GPR158: variants seen among roughly 807,000 people sequenced by gnomAD.
GPR158 encodes the protein metabotropic glycine receptor.
Under a neutral mutation model 78.2 loss-of-function variants are expected in GPR158, and 30 were observed. That is an observed-to-expected ratio of 0.38 (90% CI 0.29 to 0.52). The LOEUF (loss-of-function observed/expected upper bound fraction) is 0.52, where lower values mean the gene tolerates loss of function less well. Ranked by LOEUF, GPR158 falls within the 20% of genes least tolerant of loss-of-function variation. The probability of loss-of-function intolerance (pLI) is 0.83; values close to 1 mark genes in which losing one functional copy is unlikely to be tolerated. For synonymous variants in GPR158, 581 were observed against 591.1 expected (o/e 0.98, Z 0.25); for missense variants, 1,463 against 1,523.5 (o/e 0.96, Z 0.66).
intron 1 of GPR158, among the ~76,000 whole-genome samples, chr10:25,195,084 T>TAAA (rs1230544831): frequency 1.3e-5 from 2 of 152,148 alleles, no homozygotes; most frequent in Non-Finnish European, 2.9e-5. Context: ...ATGCTACGTT[T>TAAA]TATTTGTGCA....
At chr10:25,351,630 A>G (rs1855473055) in intron 2 of GPR158, among the ~76,000 whole-genome samples, 1 of 150,348 alleles carries the variant, frequency 6.7e-6, no homozygotes, top group Admixed American at 6.6e-5. Context: ...TTCATTTTTC[A>G]TTTGAATCAG....
Position 25,599,067 on chromosome 10 carries a change from T to C in GPR158, c.3441T>C (p.Ser1147=), listed in dbSNP as rs750939753. The change falls in exon 11 of 11, where the codon TCT becomes TCC. Residue 1147 remains serine, a synonymous_variant. Coordinates refer to ENST00000376351, the MANE Select transcript of GPR158 (RefSeq NM_020752.3). The part of the protein sequence containing the change: ...IGHQEKKTSS[S]EENVRGSYNS... ...ACCAGGAAAAAAAGACATCTTCTTC[T>C]GAGGAGAATGTGCGTGGCTCCTATA... is the stretch of plus-strand genomic sequence containing the variant. 1.1e-5 allele frequency: 18 copies of C among 1,613,708 alleles called. No individual in the cohort carries two copies. Among genetic ancestry groups the C allele is most frequent in the African/African-American group, 2.7e-5 (2 of 74,922 alleles).
At chr10:25,212,627 C>CTTTTTTTTTTTTTTTTT (rs10642944) in intron 1 of GPR158, among the ~76,000 whole-genome samples, 4 of 78,570 alleles carry the variant, frequency 5.1e-5, no homozygotes, top group Non-Finnish European at 6.8e-5. Flanking sequence ...GAATTTATAG[C>CTTTTTTTTTTTTTTTTT]TTTTTTTTTT....
chr10:25,309,255 G>A (rs1318089876), intron 2 of GPR158, among the ~76,000 whole-genome samples: 2 of 151,888 alleles, frequency 1.3e-5, no homozygotes, highest in Non-Finnish European at 2.9e-5. Context: ...TATCCTAATG[G>A]TGTAAGGTGG....
intron 8 of GPR158, among the ~76,000 whole-genome samples, chr10:25,590,223 C>T (rs935242064): frequency 6.6e-6 from 1 of 152,056 alleles, no homozygotes. Flanking sequence ...ACAGCCTACA[C>T]TTTTAAAACT....
chr10:25,257,508 C>T (rs1019551649), intron 2 of GPR158, among the ~76,000 whole-genome samples: 1 of 152,180 alleles, frequency 6.6e-6, no homozygotes, highest in Non-Finnish European at 1.5e-5. Flanking sequence ...TAATTCTGCT[C>T]TATTTTCTAC....
chr10:25,489,617 CCTT>C (rs1234428401), intron 5 of GPR158, among the ~76,000 whole-genome samples: 1 of 152,074 alleles, frequency 6.6e-6, no homozygotes. Context: ...CTGTACTCTC[CCTT>C]CTTCAGGTAT....
intron 2 of GPR158, among the ~76,000 whole-genome samples, chr10:25,365,073 T>TC (rs1267748862): frequency 4.4e-5 from 5 of 112,556 alleles, no homozygotes; most frequent in African/African-American, 1.7e-4. Context: ...TTATTTAAAA[T>TC]TTTTTCCTAT....
chr10:25,176,103 G>T lies in GPR158; in HGVS notation c.683G>T (p.Arg228Leu). Residue 228 changes from arginine (R) to leucine (L), a missense_variant, in exon 1 of 11, where the codon CGC becomes CTC. Transcript: ENST00000376351. The surrounding 1 kb of genome is among the most constrained non-coding windows in gnomAD (Gnocchi z 6.3). The stretch of plus-strand genomic sequence containing the variant: ...ACCGAGTGGTTCCACGGCCTCCGGC[G>T]CAAGTGGAGGCCCCACTTACACCGC... ...LETEWFHGLR[R>L]KWRPHLHRRG... 6.3e-7 allele frequency: 1 copy of T among 1,581,714 alleles called. No individual in the cohort carries two copies. The highest frequency in any genetic ancestry group is 8.6e-7 in the Non-Finnish European group (1 of 1,164,958).
intron 2 of GPR158, among the ~76,000 whole-genome samples, chr10:25,360,741 G>T (rs1217307530): frequency 6.6e-6 from 1 of 151,970 alleles, no homozygotes; most frequent in Non-Finnish European, 1.5e-5. Context: ...TTGGCTATAT[G>T]GGCTCTTTTT....
chr10:25,409,697 C>A (rs1363385125), intron 3 of GPR158, among the ~76,000 whole-genome samples: 1 of 152,172 alleles, frequency 6.6e-6, no homozygotes, highest in Non-Finnish European at 1.5e-5. Context: ...CCAATCATGA[C>A]TTCTCAAATA....
chr10:25,575,473 A>G (rs1018843881), intron 7 of GPR158, among the ~76,000 whole-genome samples: 10 of 152,142 alleles, frequency 6.6e-5, no homozygotes, highest in African/African-American at 2.4e-4. Context: ...GGGACTTGTT[A>G]GAAATGCAGA....
chr10:25,443,012 C>A (rs1296562886), intron 4 of GPR158, among the ~76,000 whole-genome samples: 1 of 152,150 alleles, frequency 6.6e-6, no homozygotes, highest in Admixed American at 6.5e-5. Context: ...CTAAACCACA[C>A]TTAAAACTTC....
At chr10:25,553,473 T>C (rs1373577756) in intron 6 of GPR158, among the ~76,000 whole-genome samples, 4 of 152,182 alleles carry the variant, frequency 2.6e-5, no homozygotes, top group Non-Finnish European at 5.9e-5. Context: ...ATTCTGTTTT[T>C]TTCTCTATAT....
chr10:25,479,161 A>G (rs986794833), intron 5 of GPR158, among the ~76,000 whole-genome samples: 1 of 152,118 alleles, frequency 6.6e-6, no homozygotes, highest in African/African-American at 2.4e-5. Context: ...TTTTAGATTA[A>G]TGTATTTTAC....
chr10:25,395,076 G>A (rs1834348790), intron 2 of GPR158, among the ~76,000 whole-genome samples: 1 of 152,214 alleles, frequency 6.6e-6, no homozygotes, highest in Non-Finnish European at 1.5e-5. Context: ...AGTTTTTGTA[G>A]TTTAGTAGAA....
At chr10:25,313,734 G>C (rs1854803783) in intron 2 of GPR158, among the ~76,000 whole-genome samples, 1 of 152,092 alleles carries the variant, frequency 6.6e-6, no homozygotes, top group Admixed American at 6.6e-5. Context: ...GATTCAGTTT[G>C]TTAATATTTT....
intron 2 of GPR158, among the ~76,000 whole-genome samples, chr10:25,340,693 A>G (rs894668929): frequency 1.3e-5 from 2 of 152,058 alleles, no homozygotes; most frequent in South Asian, 4.1e-4. Flanking sequence ...TTAGAGAAAT[A>G]AAAAGGTAGA....
At chr10:25,218,705 G>A (rs1853253369) in intron 1 of GPR158, among the ~76,000 whole-genome samples, 1 of 152,186 alleles carries the variant, frequency 6.6e-6, no homozygotes, top group East Asian at 1.9e-4. Flanking sequence ...GATTTAGAGT[G>A]TGCTTATAAA....
Sources: allele counts gnomAD v4.1 joint callset (sites outside exome capture counted in the v4.1 genomes callset), GRCh38; gene constraint gnomAD v4.1.1; non-coding constraint Gnocchi (gnomAD v3.1); transcripts MANE v1.5; gene names NCBI Gene and HGNC (gene_info 2026-07-23, HGNC 2026-07-21).